The following RCOR2 variants were observed in gnomAD, a reference collection of about 807,000 sequenced individuals.
RCOR2 encodes the protein REST corepressor 2.
A neutral mutation model predicts 58.9 loss-of-function variants in RCOR2; 19 were observed. The ratio of observed to expected loss-of-function variants is 0.32; its 90% confidence interval spans 0.23 to 0.47. The LOEUF (loss-of-function observed/expected upper bound fraction) is 0.47, where lower values mean the gene tolerates loss of function less well. Ranked by LOEUF, RCOR2 falls within the 20% of genes least tolerant of loss-of-function variation. The probability of loss-of-function intolerance (pLI) is 1.00; values close to 1 mark genes in which losing one functional copy is unlikely to be tolerated. For synonymous variants in RCOR2, 286 were observed against 278.7 expected (o/e 1.03, Z -0.26); for missense variants, 590 against 707.9 (o/e 0.83, Z 1.89).
upstream of RCOR2, among the ~76,000 whole-genome samples, chr11:63,918,491 G>T (rs967356062): frequency 6.6e-6 from 1 of 152,204 alleles, no homozygotes; most frequent in Non-Finnish European, 1.5e-5. Flanking sequence ...TCGGGCCAGG[G>T]CTACGGGGCC....
In RCOR2 at chr11:63,911,799, C is replaced by CAG; in HGVS notation, c.*64_*65dup. ...TAGTCCCTTCTGTCCTCAGTGACAC[C>CAG]AGAGATGCCTGGGGATGGCCAGCAA... On this transcript the variant is annotated 3_prime_UTR_variant, in exon 12 of 12. Transcript: ENST00000301459. 2.7e-6 allele frequency: 4 copies of CAG among 1,469,132 alleles called. No individual in the cohort carries two copies. Among genetic ancestry groups the CAG allele is most frequent in the Non-Finnish European group, 3.6e-6 (4 of 1,125,202 alleles). The allele number at this position is 1,469,132 out of a possible 1,614,324, so 91.0% of individuals were successfully genotyped here. A position where few individuals can be genotyped will look rare whatever the true frequency, so the allele number is the denominator to read the frequency against.
chr11:63,919,602 G>A (rs1941903148), upstream of RCOR2, among the ~76,000 whole-genome samples: 1 of 152,222 alleles, frequency 6.6e-6, no homozygotes, highest in Non-Finnish European at 1.5e-5. Flanking sequence ...TGGGAGGGGA[G>A]GGAAGGAGAG....
At position 63,916,310 on chromosome 11, in the gene RCOR2, C is replaced by T. The variant is rs370295527; in HGVS notation, c.127+20G>A. On this transcript the variant is annotated intron_variant, in intron 1 of 11. Coordinates refer to ENST00000301459, the MANE Select transcript of RCOR2 (RefSeq NM_173587.4). The stretch of plus-strand genomic sequence containing the variant: ...TCCCCCCAGGCCGGCGCGCCTTTAA[C>T]CCTAGGCCACCGGGCTCACCGTGCG... The T allele has an allele frequency of 5.0e-6, 8 of 1,591,380 alleles. No homozygotes were observed. The African/African-American group carries it at 1.1e-4, about 21-fold the overall frequency.
At position 63,914,145 on chromosome 11, in the gene RCOR2, C is replaced by T; in HGVS notation, c.700G>A (p.Ala234Thr). ...REPLPSRPLN[A>T]RPGPGKKEVQ... ...TCCTTTTTCCCAGGGCCTGGGCGTG[C>T]ATTCAGGGGCCGAGAGGGTAGAGGC... is the stretch of plus-strand genomic sequence containing the variant. The change falls in exon 8 of 12, where the codon GCA (alanine) becomes ACA (threonine). Residue 234 changes from alanine (A) to threonine (T), a missense_variant. By Grantham distance (58) the Ala-to-Thr change is moderately conservative (BLOSUM62 0). Coordinates refer to ENST00000301459, the MANE Select transcript of RCOR2 (RefSeq NM_173587.4). 1 of 1,613,806 alleles carries T rather than the reference C, an allele frequency of 6.2e-7. No homozygotes were observed. The highest frequency in any genetic ancestry group is 8.5e-7 in the Non-Finnish European group (1 of 1,179,996).
At chr11:63,913,186 T>TATA (rs1941804543) in intron 8 of RCOR2, among the ~76,000 whole-genome samples, 509 of 66,094 alleles carry the variant, frequency 7.7e-3, no homozygotes, top group African/African-American at 0.024. Flanking sequence ...ATATATATAT[T>TATA]TTTTTTTTTT....
rs375295805 is a variant in RCOR2 at position 63,914,302 on chromosome 11, C to T, written c.634G>A (p.Val212Met). The change falls in exon 7 of 12, where the codon GTG (valine) becomes ATG (methionine). Residue 212 changes from valine (V) to methionine (M), a missense_variant. Val to Met is a conservative substitution (Grantham distance 21). Coordinates refer to ENST00000301459, the MANE Select transcript of RCOR2 (RefSeq NM_173587.4). ...SDELEEGRGG[V>M]SEGEPDPADP... ...GCAGGATCGGGCTCTCCCTCACTCA[C>T]GCCTCCTCGACCCTCTTCGAGCTCA... 33 of 1,613,464 alleles carry T rather than the reference C, an allele frequency of 2.0e-5. No homozygotes were observed. The South Asian group carries it at 2.4e-4, about 12-fold the overall frequency.
upstream of RCOR2, among the ~76,000 whole-genome samples, chr11:63,920,939 A>G (rs765127595): frequency 3.3e-5 from 5 of 151,950 alleles, no homozygotes; most frequent in Non-Finnish European, 7.4e-5. Context: ...AAGAGGTGAC[A>G]GAGGTGGCAA....
chr11:63,915,643 CAGGGAGGGCGGGCGGG>C, intron 1 of RCOR2, 32 bp from the exon 2 acceptor site: 5 of 75,488 alleles, frequency 6.6e-5, no homozygotes, highest in Non-Finnish European at 9.3e-5. Context: ...GTCAGGACTC[CAGGGAGGGCGGGCGGG>C]AGGGAGGATG....
Position 63,911,695 on chromosome 11 carries a change from G to T in RCOR2, c.*170C>A. The T allele has an allele frequency of 8.9e-7, 1 of 1,127,090 alleles. No homozygotes were observed. The highest frequency in any genetic ancestry group is 1.2e-6 in the Non-Finnish European group (1 of 858,294). 69.8% of individuals were successfully genotyped at this position (1,127,090 alleles called of 1,614,324 possible). On this transcript the variant is annotated 3_prime_UTR_variant, in exon 12 of 12. Transcript: ENST00000301459. ...ATGGCCCCAGGAGACAGGCCCAGCT[G>T]CCAGGAACACATGCAGAACCCAAAG... is the stretch of plus-strand genomic sequence containing the variant.
upstream of RCOR2, among the ~76,000 whole-genome samples, chr11:63,919,018 G>T (rs1047757623): frequency 6.6e-6 from 1 of 152,136 alleles, no homozygotes; most frequent in African/African-American, 2.4e-5. Context: ...CTAGAGCCAG[G>T]CACTCTGGGC....
At chr11:63,915,452 C>T in intron 2 of RCOR2, 103 bp downstream of exon 2, 4 of 1,309,222 alleles carry the variant, frequency 3.1e-6, no homozygotes, top group Non-Finnish European at 4.3e-6. Context: ...CCCTGCCAGC[C>T]TGCCCTTCCA....
the RCOR2 span, among the ~76,000 whole-genome samples, chr11:63,926,743 C>T: frequency 6.6e-6 from 1 of 151,520 alleles, no homozygotes; most frequent in African/African-American, 2.4e-5. Context: ...CTCGGCCTCC[C>T]AAAGTGCTGC....
In RCOR2 at chr11:63,914,423, T is replaced by G. The variant is rs1941827696; in HGVS notation, c.599A>C (p.Glu200Ala). ...TGCTTGCTCCTGCCCCCACCTGTCT[T>G]CTTTGTCCTTGCGGCCCCCCAGCCG... ...ARRLGGRKDKEDSDELEEGRG... is the reference protein window; with the variant it reads ...ARRLGGRKDKADSDELEEGRG... Residue 200 changes from glutamate to alanine, a missense_variant, in exon 6 of 12, where the codon GAA becomes GCA. Physicochemically the swap from Glu to Ala is moderately radical, Grantham distance 107 (BLOSUM62 -1). This residue lies in a region of RCOR2 where 390 missense variants were observed against 478.7 expected (regional missense o/e 0.81). Coordinates refer to ENST00000301459, the MANE Select transcript of RCOR2 (RefSeq NM_173587.4). 6.2e-7 allele frequency: 1 copy of G among 1,613,362 alleles called. No individual in the cohort carries two copies.
At chr11:63,912,219 G>T (rs201480750) in intron 11 of RCOR2, 40 bp from the exon 12 acceptor site, 6 of 1,596,114 alleles carry the variant, frequency 3.8e-6, no homozygotes, top group Middle Eastern at 1.7e-4. Flanking sequence ...GGCTCTTCCC[G>T]CCCTCAGCCC....
upstream of RCOR2, among the ~76,000 whole-genome samples, chr11:63,921,821 GCT>G (rs1257950014): frequency 6.6e-6 from 1 of 152,226 alleles, no homozygotes; most frequent in Admixed American, 6.5e-5. Flanking sequence ...CCCACCTTGA[GCT>G]CCTGGGTCTG....
the RCOR2 span, among the ~76,000 whole-genome samples, chr11:63,925,246 T>C: frequency 1.3e-5 from 2 of 152,344 alleles, no homozygotes; most frequent in East Asian, 1.9e-4. Flanking sequence ...GCATGACTTA[T>C]CTCCTTCAAA....
chr11:63,911,379 C>CA lies in RCOR2; in HGVS notation c.*485dup, dbSNP rs1941747420. On this transcript the variant is annotated 3_prime_UTR_variant, in exon 12 of 12. Coordinates refer to ENST00000301459, the MANE Select transcript of RCOR2 (RefSeq NM_173587.4). ...GCATTTCCCAGCTGGCCCCTGAAGACAGAGCTTCTCTTCCAGCCTCTGCTG... is the reference window on the plus strand; with the variant it reads ...GCATTTCCCAGCTGGCCCCTGAAGACAAGAGCTTCTCTTCCAGCCTCTGCTG... The CA allele has an allele frequency of 1.3e-5, 2 of 152,794 alleles. No individual in the cohort carries two copies. The highest frequency in any genetic ancestry group is 4.8e-5 in the African/African-American group (2 of 41,450). The allele number at this position is 152,794 out of a possible 1,614,324, so 9.5% of individuals were successfully genotyped here. A position where few individuals can be genotyped will look rare whatever the true frequency, so the allele number is the denominator to read the frequency against.
At chr11:63,921,573 T>C (rs1239199098), upstream of RCOR2, among the ~76,000 whole-genome samples, 2 of 152,190 alleles carry the variant, frequency 1.3e-5, no homozygotes, top group Non-Finnish European at 2.9e-5. Context: ...TGGCCTTAGG[T>C]GAATTACTTG....
At position 63,912,741 on chromosome 11, in the gene RCOR2, G is replaced by A. The variant is rs1313455492; in HGVS notation, c.970-8C>T. 6.2e-7 allele frequency: 1 copy of A among 1,613,946 alleles called. No homozygotes were observed. The highest frequency in any genetic ancestry group is 1.1e-5 in the South Asian group (1 of 91,082). On this transcript the variant is annotated splice_polypyrimidine_tract_variant and splice_region_variant and intron_variant, in intron 9 of 11. Coordinates refer to ENST00000301459, the MANE Select transcript of RCOR2 (RefSeq NM_173587.4). ...GTTGAACTTGGTGTTGGCCTGGAAA[G>A]CAAGGAACAACATATCCTTTAGACT...
Sources: gnomAD v4.1 joint callset for allele counts (sites outside exome capture counted in the v4.1 genomes callset) on GRCh38, gnomAD v4.1.1 for gene constraint, gnomAD v4.1.1 regional missense constraint, MANE v1.5 for transcripts, NCBI Gene and HGNC (gene_info 2026-07-23, HGNC 2026-07-21) for gene names.